Variants in APAF1 observed in about 807,000 individuals in gnomAD.
APAF1 encodes the protein apoptotic protease-activating factor 1.
A neutral mutation model predicts 152.4 loss-of-function variants in APAF1; 91 were observed. That is an observed-to-expected ratio of 0.60 (90% CI 0.50 to 0.71). The LOEUF (loss-of-function observed/expected upper bound fraction) is 0.71, where lower values mean the gene tolerates loss of function less well. APAF1 is among the 30% of genes least tolerant of loss of function. APAF1 has a pLI of 0.00. For missense variants in APAF1, 1,283 were observed against 1,472.0 expected (o/e 0.87, Z 2.10); for synonymous variants, 484 against 494.1 (o/e 0.98, Z 0.27).
chr12:98,699,717 A>G, intron 17 of APAF1, 148 bp downstream of exon 17: 1 of 854,198 alleles, frequency 1.2e-6, no homozygotes, highest in Non-Finnish European at 1.9e-6. Context: ...GTTCTTTGGA[A>G]CTGTGCTCCG....
intron 26 of APAF1, among the ~76,000 whole-genome samples, chr12:98,727,535 A>G (rs983690571): frequency 8.6e-6 from 1 of 115,704 alleles, no homozygotes; most frequent in African/African-American, 3.5e-5. Context: ...TGACAGAGCG[A>G]CATCCTGTCT....
rs1210494090 is a variant in APAF1, at chr12:98,680,349, T to C, written c.1993T>C (p.Phe665Leu). The C allele has an allele frequency of 6.2e-7, 1 of 1,613,842 alleles. No homozygotes were observed. The highest frequency in any genetic ancestry group is 1.7e-5 in the Admixed American group (1 of 60,024). The change falls in exon 14 of 27, where the codon TTC (phenylalanine) becomes CTC (leucine). Residue 665 changes from phenylalanine (F) to leucine (L), a missense_variant. Transcript: ENST00000551964. ...AHEDEVLCCA[F>L]STDDRFIATC... Reference sequence around the variant, plus strand: ...TGAGGATGAAGTGCTTTGTTGTGCATTCTCTACAGATGACAGATTTATAGC... The same window carrying C: ...TGAGGATGAAGTGCTTTGTTGTGCACTCTCTACAGATGACAGATTTATAGC...
chr12:98,654,727 A>G (rs1195146122), intron 4 of APAF1, among the ~76,000 whole-genome samples: 2 of 151,860 alleles, frequency 1.3e-5, no homozygotes, highest in South Asian at 2.1e-4. Context: ...AATTTTAGGT[A>G]GTACAAATTT....
At position 98,707,806 on chromosome 12, in the gene APAF1, A is replaced by G. The variant is rs113651043; in HGVS notation, c.2722-779A>G. On this transcript the variant is annotated intron_variant, in intron 19 of 26. Coordinates refer to ENST00000551964, the MANE Select transcript of APAF1 (RefSeq NM_181861.2). ...AAAGGTCATTGGTTCTTAACATGCC[A>G]GTCTCAATGAGCTTGAGCCAGAATA... Among the ~76,000 whole-genome samples, 314 of 152,238 alleles carry G rather than the reference A, an allele frequency of 2.1e-3. 3 individuals are homozygous for G. Among genetic ancestry groups the G allele is most frequent in the African/African-American group, 7.3e-3 (305 of 41,552 alleles).
At chr12:98,667,381 G>A in intron 9 of APAF1, 132 bp from the exon 10 acceptor site, 1 of 1,050,260 alleles carries the variant, frequency 9.5e-7, no homozygotes, top group Non-Finnish European at 1.4e-6. Flanking sequence ...CTCCCAAAGT[G>A]CTGGGATTAC....
chr12:98,649,749 A>G (rs1243866715), intron 4 of APAF1, 65 bp downstream of exon 4: 2 of 1,373,736 alleles, frequency 1.5e-6, no homozygotes, highest in Non-Finnish European at 2.0e-6. Flanking sequence ...ATTATGATAT[A>G]TCAATACGTG....
At position 98,665,759 on chromosome 12, in the gene APAF1, A is replaced by C. The variant is rs2097671906; in HGVS notation, c.1162A>C (p.Ile388Leu). The C allele has an allele frequency of 6.2e-7, 1 of 1,613,888 alleles. No homozygotes were observed. The highest frequency in any genetic ancestry group is 1.3e-5 in the African/African-American group (1 of 75,044). The change falls in exon 8 of 27, where the codon ATC (isoleucine) becomes CTC (leucine). Residue 388 changes from isoleucine to leucine, a missense_variant. Transcript: ENST00000551964. ...CAAAGATTATTACACAGATCTTTCC[A>C]TCCTTCAGAAGGACGTTAAGGTGCC... The part of the protein sequence containing the change: ...DIKDYYTDLS[I>L]LQKDVKVPTK...
At position 98,699,685 on chromosome 12, in the gene APAF1, G is replaced by A. The variant is rs1440354911; in HGVS notation, c.2466+116G>A. On this transcript the variant is annotated intron_variant, in intron 17 of 26. Transcript: ENST00000551964. ...ATAAAGTCTAGCTGTGTGATTTTGG[G>A]CAGTCTTCCTAACCTGTCATGGTTC... 6 of 1,190,868 alleles carry A rather than the reference G, an allele frequency of 5.0e-6. No homozygotes were observed. In the East Asian group the frequency reaches 1.3e-4, roughly 25 times the overall value. The allele number at this position is 1,190,868 out of a possible 1,614,324, so 73.8% of individuals were successfully genotyped here. A position where few individuals can be genotyped will look rare whatever the true frequency, so the allele number is the denominator to read the frequency against.
At chr12:98,713,998 A>C (rs1271431097) in intron 21 of APAF1, among the ~76,000 whole-genome samples, 1 of 152,184 alleles carries the variant, frequency 6.6e-6, no homozygotes, top group African/African-American at 2.4e-5. Context: ...TAAGATGTGT[A>C]CTATTCTGGG....
At chr12:98,674,619 G>A (rs1804443651) in intron 12 of APAF1, among the ~76,000 whole-genome samples, 1 of 152,152 alleles carries the variant, frequency 6.6e-6, no homozygotes, top group South Asian at 2.1e-4. Context: ...GTATAGAATA[G>A]TTTGGAGGTT....
intron 4 of APAF1, among the ~76,000 whole-genome samples, chr12:98,658,090 T>C (rs928606855): frequency 1.3e-5 from 2 of 152,182 alleles, no homozygotes; most frequent in Non-Finnish European, 2.9e-5. Flanking sequence ...TTTTTTGGTA[T>C]GTTTAAGATC....
At position 98,662,582 on chromosome 12, in the gene APAF1, G is replaced by T; in HGVS notation, c.823+14G>T. ...ATTCAGTAATGGGTAAGGATTATTC[G>T]TTTACTTTTTAGTACCTTTATATTT... On this transcript the variant is annotated intron_variant, in intron 6 of 26. Transcript: ENST00000551964. 6.2e-7 allele frequency: 1 copy of T among 1,607,756 alleles called. No individual in the cohort carries two copies. The highest frequency in any genetic ancestry group is 8.5e-7 in the Non-Finnish European group (1 of 1,174,740).
chr12:98,722,290 C>CT (rs2097744151), intron 22 of APAF1, among the ~76,000 whole-genome samples: 1 of 152,172 alleles, frequency 6.6e-6, no homozygotes, highest in South Asian at 2.1e-4. Flanking sequence ...ACTTTTATCT[C>CT]TATCATTGTA....
At chr12:98,689,354 A>G (rs1198486648) in intron 16 of APAF1, among the ~76,000 whole-genome samples, 1 of 151,474 alleles carries the variant, frequency 6.6e-6, no homozygotes, top group Non-Finnish European at 1.5e-5. Context: ...AGCTTTTCTT[A>G]GGATGTTTTT....
chr12:98,724,362 G>A (rs2097747345), intron 24 of APAF1, among the ~76,000 whole-genome samples: 1 of 152,056 alleles, frequency 6.6e-6, no homozygotes, highest in African/African-American at 2.4e-5. Flanking sequence ...CCTGCCTCTG[G>A]TCTGCACCTC....
chr12:98,686,186 T>C (rs994524831), intron 15 of APAF1, among the ~76,000 whole-genome samples: 7 of 152,234 alleles, frequency 4.6e-5, no homozygotes, highest in Non-Finnish European at 1.0e-4. Flanking sequence ...GCATTTGTTC[T>C]GCCTCTTAAG....
chr12:98,688,945 T>C (rs1474886254), intron 16 of APAF1, among the ~76,000 whole-genome samples: 2 of 152,000 alleles, frequency 1.3e-5, no homozygotes, highest in Admixed American at 6.6e-5. Flanking sequence ...CTTGAGTAGC[T>C]GGGACTGCAA....
chr12:98,691,609 G>A (rs907986359), intron 16 of APAF1, among the ~76,000 whole-genome samples: 1 of 151,780 alleles, frequency 6.6e-6, no homozygotes, highest in Non-Finnish European at 1.5e-5. Context: ...AATTTTTTTT[G>A]TAGTCTAAGG....
intron 16 of APAF1, among the ~76,000 whole-genome samples, chr12:98,693,423 G>T (rs1033356960): frequency 2.6e-5 from 4 of 152,116 alleles, no homozygotes; most frequent in Admixed American, 1.3e-4. Flanking sequence ...ATTTTGATTA[G>T]AACAGTGTTC....
Sources: allele counts gnomAD v4.1 joint callset (sites outside exome capture counted in the v4.1 genomes callset), GRCh38; gene constraint gnomAD v4.1.1; transcripts MANE v1.5; gene names NCBI Gene and HGNC (gene_info 2026-07-23, HGNC 2026-07-21).